Variants in FRYL observed in about 807,000 individuals in gnomAD.
FRYL encodes protein furry homolog-like.
A neutral mutation model predicts 351.2 loss-of-function variants in FRYL; 150 were observed. The ratio of observed to expected loss-of-function variants is 0.43; its 90% CI spans 0.37 to 0.49. The LOEUF (loss-of-function observed/expected upper bound fraction) is 0.49, where lower values mean the gene tolerates loss of function less well. Among genes scored for constraint, FRYL ranks in the 20% least tolerant of loss-of-function variants. FRYL has a pLI of 0.00. For missense variants in FRYL, 3,036 were observed against 3,619.3 expected, an observed-to-expected ratio of 0.84 and a Z score of 4.13; for synonymous variants, 1,153 against 1,257.1, an observed-to-expected ratio of 0.92 and a Z score of 1.75.
At position 48,505,588 on chromosome 4, in the gene FRYL, C is replaced by T. The variant is rs747549744; in HGVS notation, c.8422G>A (p.Gly2808Ser). 2 of 1,608,970 alleles carry T rather than the reference C, an allele frequency of 1.2e-6. No individual in the cohort carries two copies. The stretch of plus-strand genomic sequence containing the variant: ...ATCCTATACATGTCTTCTTTGGCAC[C>T]AAATGTCCTCTTACAATCATCTAGC... The part of the protein sequence containing the change: ...QWLDDCKRTF[G>S]AKEDMYRINT... The change falls in exon 60 of 64, where the codon GGT becomes AGT. Residue 2808 changes from glycine (G) to serine (S), a missense_variant. Gly to Ser is a moderately conservative substitution (Grantham distance 56). Transcript: ENST00000358350.
At chr4:48,674,942 T>G (rs927236645) in intron 3 of FRYL, among the ~76,000 whole-genome samples, 2 of 152,206 alleles carry the variant, frequency 1.3e-5, no homozygotes, top group Admixed American at 6.5e-5. Context: ...TTTGATATAG[T>G]GCCAAGGCCT....
At chr4:48,649,639 C>A (rs960582808) in intron 3 of FRYL, among the ~76,000 whole-genome samples, 2 of 152,148 alleles carry the variant, frequency 1.3e-5, no homozygotes, top group African/African-American at 4.8e-5. Flanking sequence ...ACAGAATGTT[C>A]CTGATTCAGT....
Position 48,513,667 on chromosome 4 carries a change from G to A in FRYL, c.7938-979C>T, listed in dbSNP as rs11736739. Among the ~76,000 whole-genome samples the A allele has an allele frequency of 4.5e-3, 685 of 152,300 alleles. 1 individual carries two copies. The highest frequency in any genetic ancestry group is 8.4e-3 in the Admixed American group (129 of 15,302). ...TGCACTGGAATGCATGGAGGGACCC[G>A]AGTAAAGACTGGAGAAAACAATCAA... On this transcript the variant is annotated intron_variant, in intron 56 of 63. Coordinates refer to ENST00000358350, the MANE Select transcript of FRYL (RefSeq NM_015030.2).
chr4:48,640,707 A>G (rs1247991907), intron 3 of FRYL, among the ~76,000 whole-genome samples: 4 of 152,196 alleles, frequency 2.6e-5, no homozygotes, highest in Non-Finnish European at 4.4e-5. Flanking sequence ...ACTAAAAGGA[A>G]GAAACTGGGA....
In FRYL at chr4:48,645,124, TTATATATATATATATATATA is replaced by T. The variant is rs36223183; in HGVS notation, c.-80-10654_-80-10635del. ...ATTAAACCAGCAGTGAGCTTTCATT[TTATATATATATATATATATA>T]TATATATATATCAGACTGGCAAATA... is the stretch of plus-strand genomic sequence containing the variant. On this transcript the variant is annotated intron_variant, in intron 3 of 63. Coordinates refer to ENST00000358350, the MANE Select transcript of FRYL (RefSeq NM_015030.2). Among the ~76,000 whole-genome samples the T allele has an allele frequency of 6.7e-4, 71 of 105,446 alleles. 3 individuals carry two copies. The highest frequency in any genetic ancestry group is 5.0e-3 in the Middle Eastern group (1 of 200). The allele number at this position is 105,446 out of a possible 152,430, so 69.2% of individuals were successfully genotyped here.
At chr4:48,525,830 T>C (rs1276825085) in intron 53 of FRYL, among the ~76,000 whole-genome samples, 1 of 152,020 alleles carries the variant, frequency 6.6e-6, no homozygotes, top group Non-Finnish European at 1.5e-5. Context: ...ATGAGTAGTA[T>C]ATGTACATGA....
intron 44 of FRYL, among the ~76,000 whole-genome samples, chr4:48,542,985 T>A (rs1361681874): frequency 6.6e-6 from 1 of 152,192 alleles, no homozygotes; most frequent in Non-Finnish European, 1.5e-5. Flanking sequence ...CAGGGCTTAC[T>A]AGGCCTTACG....
At chr4:48,721,449 C>G (rs1360741719) in intron 1 of FRYL, among the ~76,000 whole-genome samples, 2 of 151,374 alleles carry the variant, frequency 1.3e-5, no homozygotes, top group South Asian at 4.2e-4. Flanking sequence ...ATCACTTAAG[C>G]CCAAGAGTTT....
chr4:48,556,265 C>T lies in FRYL; in HGVS notation c.4266+713G>A, dbSNP rs551240442. On this transcript the variant is annotated intron_variant, in intron 35 of 63. Transcript: ENST00000358350. ...ACCACACTTTTGGGGGATGCTGCCACGGGATAGATATCTATATCTGCATCT... is the reference window on the plus strand; with the variant it reads ...ACCACACTTTTGGGGGATGCTGCCATGGGATAGATATCTATATCTGCATCT... Among the ~76,000 whole-genome samples, 148 of 152,290 alleles carry T rather than the reference C, an allele frequency of 9.7e-4. 4 individuals carry two copies. In the South Asian group the frequency reaches 0.029, roughly 30 times the overall value.
At chr4:48,502,803 C>A in intron 61 of FRYL, 25 bp downstream of exon 61, 1 of 1,597,156 alleles carries the variant, frequency 6.3e-7, no homozygotes, top group South Asian at 1.1e-5. Flanking sequence ...GGTGAGTAGT[C>A]TATAAATCAA....
In FRYL at chr4:48,544,779, A is replaced by G. The variant is rs78799039; in HGVS notation, c.5401+4T>C. 0.012 allele frequency: 18,206 copies of G among 1,574,890 alleles called. 128 individuals are homozygous for G. Among genetic ancestry groups the G allele is most frequent in the Non-Finnish European group, 0.014 (16,125 of 1,166,952 alleles). On this transcript the variant is annotated splice_donor_region_variant and intron_variant, in intron 43 of 63. Coordinates refer to ENST00000358350, the MANE Select transcript of FRYL (RefSeq NM_015030.2). ...CTAAAACTAAAATATTTCTTAAAAG[A>G]TACCTGAGCTTGACTGCTTAAAAAC...
chr4:48,537,020 T>A (rs1472769511), intron 47 of FRYL, among the ~76,000 whole-genome samples: 1 of 152,166 alleles, frequency 6.6e-6, no homozygotes, highest in Non-Finnish European at 1.5e-5. Context: ...CAGTAGTGTT[T>A]TGCCCATAAA....
In FRYL at chr4:48,527,640, G is replaced by C; in HGVS notation, c.7154C>G (p.Ser2385Cys). 6.3e-7 allele frequency: 1 copy of C among 1,584,846 alleles called. No homozygotes were observed. The highest frequency in any genetic ancestry group is 8.6e-7 in the Non-Finnish European group (1 of 1,169,420). Residue 2385 changes from serine to cysteine, a missense_variant, in exon 53 of 64, where the codon TCT becomes TGT. Physicochemically the swap from Ser to Cys is moderately radical, Grantham distance 112. Coordinates refer to ENST00000358350, the MANE Select transcript of FRYL (RefSeq NM_015030.2). ...LPKNPSVVFS[S>C]NEDLEVGDQQ... ...GTCACCGACTTCCAAATCCTCATTA[G>C]AAGAAAATACAACCTGATGCCCGAT...
At chr4:48,550,139 T>C (rs1327540820) in intron 38 of FRYL, among the ~76,000 whole-genome samples, 4 of 152,214 alleles carry the variant, frequency 2.6e-5, no homozygotes, top group African/African-American at 9.6e-5. Flanking sequence ...AATGAGGAGA[T>C]TGGACCAGAT....
intron 1 of FRYL, among the ~76,000 whole-genome samples, chr4:48,726,743 A>G (rs918443753): frequency 1.3e-5 from 2 of 152,142 alleles, no homozygotes; most frequent in African/African-American, 4.8e-5. Flanking sequence ...TGGGCTCTGA[A>G]CCTCTCTCTT....
At chr4:48,540,329 C>A in intron 46 of FRYL, 24 bp downstream of exon 46, 1 of 1,599,584 alleles carries the variant, frequency 6.3e-7, no homozygotes, top group Non-Finnish European at 8.5e-7. Flanking sequence ...ATGCAAAGTG[C>A]TGGTGCAATT....
chr4:48,776,349 C>T (rs1019602651), intron 1 of FRYL, among the ~76,000 whole-genome samples: 2 of 152,058 alleles, frequency 1.3e-5, no homozygotes, highest in African/African-American at 4.8e-5. Context: ...GCATGTGAAA[C>T]TTTGATAAGC....
At chr4:48,671,082 CGCTTTT>C (rs1209507781) in intron 3 of FRYL, among the ~76,000 whole-genome samples, 1 of 152,116 alleles carries the variant, frequency 6.6e-6, no homozygotes, top group African/African-American at 2.4e-5. Context: ...TACAAGGGTT[CGCTTTT>C]CTCCACATCC....
intron 40 of FRYL, 81 bp downstream of exon 40, chr4:48,548,609 T>A: frequency 1.3e-6 from 1 of 790,120 alleles, no homozygotes; most frequent in Non-Finnish European, 2.1e-6. Flanking sequence ...CAGAAACACA[T>A]AAAAACTGTC....
Sources: allele counts gnomAD v4.1 joint callset (sites outside exome capture counted in the v4.1 genomes callset), GRCh38; gene constraint gnomAD v4.1.1; transcripts MANE v1.5; gene names NCBI Gene and HGNC (gene_info 2026-07-23, HGNC 2026-07-21).